Variants in FRMD4A observed in about 807,000 individuals in gnomAD.
FRMD4A encodes FERM domain containing 4A, also known as FERM domain-containing protein 4A.
Under a neutral mutation model 129.1 loss-of-function variants are expected in FRMD4A, and 29 were observed. The observed-to-expected ratio is 0.22, with a 90% CI of 0.17 to 0.31. FRMD4A has a LOEUF of 0.31. FRMD4A is among the 10% of genes least tolerant of loss of function. The probability of loss-of-function intolerance (pLI) is 1.00; values close to 1 mark genes in which losing one functional copy is unlikely to be tolerated. For synonymous variants in FRMD4A, 634 were observed against 571.6 expected, an observed-to-expected ratio of 1.11 and a Z score of -1.56; for missense variants, 1,272 against 1,375.8, an observed-to-expected ratio of 0.92 and a Z score of 1.19.
chr10:14,077,321 A>G (rs1167497323), intron 2 of FRMD4A, among the ~76,000 whole-genome samples: 1 of 152,172 alleles, frequency 6.6e-6, no homozygotes, highest in Non-Finnish European at 1.5e-5. Context: ...GGCCAGTGGA[A>G]ATTCAGTTTC....
At chr10:14,144,484 T>C (rs1167302209) in intron 2 of FRMD4A, among the ~76,000 whole-genome samples, 1 of 152,230 alleles carries the variant, frequency 6.6e-6, no homozygotes, top group Non-Finnish European at 1.5e-5. Context: ...CTGCATCGTA[T>C]GCAGGTTTCA....
At chr10:14,081,668 A>G (rs1280122495) in intron 2 of FRMD4A, among the ~76,000 whole-genome samples, 1 of 152,234 alleles carries the variant, frequency 6.6e-6, no homozygotes, top group Non-Finnish European at 1.5e-5. Flanking sequence ...AATGTCTTTT[A>G]TCATGCAAAG....
chr10:14,065,612 C>G (rs10906591), intron 2 of FRMD4A, among the ~76,000 whole-genome samples: 22,503 of 152,154 alleles, frequency 0.15, 1,828 homozygotes, highest in African/African-American at 0.22. Context: ...GCCCTGAAAA[C>G]TTGAGTAAAA....
chr10:13,736,474 C>A (rs2090635978), intron 12 of FRMD4A, among the ~76,000 whole-genome samples: 1 of 152,232 alleles, frequency 6.6e-6, no homozygotes, highest in Non-Finnish European at 1.5e-5. Flanking sequence ...CTGAATTGTT[C>A]TCAGTCAATA....
rs117018707 is a variant in FRMD4A, at chr10:13,731,227, C to A, written c.759+6617G>T. ...AGGGATGTCCCCAAGTGTCACATAG[C>A]GTTTGAGTATAAACAGGAGATCAGA... is the stretch of plus-strand genomic sequence containing the variant. On this transcript the variant is annotated intron_variant, in intron 12 of 24. Transcript: ENST00000357447. Among the ~76,000 whole-genome samples, 1,606 of 151,998 alleles carry A rather than the reference C, an allele frequency of 0.011. 62 individuals are homozygous for A. In the East Asian group the frequency reaches 0.12, roughly 11 times the overall value.
intron 4 of FRMD4A, among the ~76,000 whole-genome samples, chr10:13,798,573 C>T (rs1026233191): frequency 2.6e-5 from 4 of 151,734 alleles, no homozygotes; most frequent in African/African-American, 4.8e-5. Context: ...AAAAATTAGC[C>T]GGGCATAGTG....
chr10:13,824,247 G>A (rs1404749664), intron 3 of FRMD4A, among the ~76,000 whole-genome samples: 2 of 149,746 alleles, frequency 1.3e-5, no homozygotes, highest in Admixed American at 6.8e-5. Context: ...GGAGACCAAG[G>A]AGGGTGAATC....
chr10:14,176,561 G>A (rs768070841), intron 2 of FRMD4A, among the ~76,000 whole-genome samples: 12 of 130,288 alleles, frequency 9.2e-5, no homozygotes, highest in Non-Finnish European at 1.7e-4. Context: ...TGCTATCTCC[G>A]CCTCCCAGGT....
At chr10:13,685,442 T>C (rs2084980642) in intron 15 of FRMD4A, 1 of 984,918 alleles carries the variant, frequency 1.0e-6, no homozygotes, top group South Asian at 4.7e-5. Context: ...GAAACTATGG[T>C]TTGTAAATCC....
chr10:13,699,764 G>A (rs1056901582), intron 14 of FRMD4A, among the ~76,000 whole-genome samples: 6 of 152,060 alleles, frequency 3.9e-5, no homozygotes, highest in African/African-American at 1.5e-4. Flanking sequence ...TCCAACTGTT[G>A]CCCCTGGACA....
chr10:14,035,430 A>C (rs1004501751), intron 2 of FRMD4A, among the ~76,000 whole-genome samples: 141 of 54,490 alleles, frequency 2.6e-3, no homozygotes, highest in African/African-American at 5.0e-3. Flanking sequence ...ACAAATAAAC[A>C]AAAAAAAAAA....
chr10:13,903,106 G>C (rs2094840404), intron 2 of FRMD4A, among the ~76,000 whole-genome samples: 1 of 152,032 alleles, frequency 6.6e-6, no homozygotes, highest in Non-Finnish European at 1.5e-5. Context: ...TGCTTGGAAG[G>C]CCCTCCTCCA....
chr10:14,088,048 C>A (rs1836399006), intron 2 of FRMD4A, among the ~76,000 whole-genome samples: 1 of 152,040 alleles, frequency 6.6e-6, no homozygotes, highest in Non-Finnish European at 1.5e-5. Context: ...ACTAACAGAG[C>A]CTACTTTACT....
chr10:14,161,952 C>CA (rs556432014), intron 2 of FRMD4A, among the ~76,000 whole-genome samples: 2 of 149,424 alleles, frequency 1.3e-5, no homozygotes, highest in African/African-American at 2.5e-5. Context: ...TATGCAAAGG[C>CA]AAAAAAAGGA....
At chr10:13,843,561 G>A (rs1181419197) in intron 3 of FRMD4A, among the ~76,000 whole-genome samples, 2 of 152,158 alleles carry the variant, frequency 1.3e-5, no homozygotes, top group African/African-American at 2.4e-5. Flanking sequence ...TCAGTGGCAC[G>A]ATCTTGGCTC....
At chr10:13,825,453 C>T (rs536812955) in intron 3 of FRMD4A, among the ~76,000 whole-genome samples, 1 of 152,180 alleles carries the variant, frequency 6.6e-6, no homozygotes, top group Non-Finnish European at 1.5e-5. Flanking sequence ...CCCGGGAACC[C>T]GAACCCTACT....
intron 3 of FRMD4A, among the ~76,000 whole-genome samples, chr10:13,842,163 G>A (rs1013235370): frequency 1.3e-5 from 2 of 152,176 alleles, no homozygotes; most frequent in African/African-American, 4.8e-5. Flanking sequence ...AACCCCCAAG[G>A]TTGGTTGAAC....
intron 2 of FRMD4A, among the ~76,000 whole-genome samples, chr10:14,000,253 CA>C (rs1053978929): frequency 2.6e-5 from 4 of 152,060 alleles, no homozygotes; most frequent in African/African-American, 7.2e-5. Context: ...GGATTGTTTT[CA>C]ACTATGTGTT....
chr10:13,741,643 G>A (rs1262823699), intron 9 of FRMD4A, among the ~76,000 whole-genome samples: 3 of 152,152 alleles, frequency 2.0e-5, no homozygotes, highest in African/African-American at 4.8e-5. Context: ...TGGGGGAATG[G>A]CAGGCATTGA....
Sources: allele counts gnomAD v4.1 joint callset (sites outside exome capture counted in the v4.1 genomes callset), GRCh38; gene constraint gnomAD v4.1.1; transcripts MANE v1.5; gene names NCBI Gene and HGNC (gene_info 2026-07-23, HGNC 2026-07-21).